The following MGRN1 variants were observed in gnomAD, a reference collection of about 807,000 sequenced individuals.
MGRN1 encodes mahogunin ring finger 1.
A neutral mutation model predicts 69.2 loss-of-function variants in MGRN1; 29 were observed. The observed-to-expected ratio is 0.42, with a 90% CI of 0.31 to 0.57. The LOEUF is 0.57. Among genes scored for constraint, MGRN1 ranks in the 20% least tolerant of loss-of-function variants. The probability of loss-of-function intolerance (pLI) is 0.15; values close to 1 mark genes in which losing one functional copy is unlikely to be tolerated. For missense variants in MGRN1, 998 were observed against 796.2 expected (o/e 1.25, Z -3.05); for synonymous variants, 470 against 344.2 (o/e 1.37, Z -4.04).
chr16:4,651,990 G>A lies in MGRN1; in HGVS notation c.235G>A (p.Glu79Lys), dbSNP rs550946037. The change falls in exon 3 of 17, where the codon GAG becomes AAG. Residue 79 changes from glutamate (E) to lysine (K), a missense_variant. Glu to Lys is a moderately conservative substitution (Grantham distance 56, BLOSUM62 1). Transcript: ENST00000262370. Reference sequence around the variant, plus strand: ...TCCCTACGTCACTCCTGCCCCCCACGAGCCCGTGAAGACGCTGCGGAGCCT... The same window carrying A: ...TCCCTACGTCACTCCTGCCCCCCACAAGCCCGTGAAGACGCTGCGGAGCCT... ...QFPYVTPAPH[E>K]PVKTLRSLVN... The A allele has an allele frequency of 1.1e-5, 18 of 1,613,790 alleles. No homozygotes were observed. Among genetic ancestry groups the A allele is most frequent in the Admixed American group, 3.3e-5 (2 of 59,978 alleles).
At chr16:4,674,833 G>T (rs1325582044) in intron 10 of MGRN1, among the ~76,000 whole-genome samples, 1 of 148,982 alleles carries the variant, frequency 6.7e-6, no homozygotes, top group Admixed American at 6.7e-5. Context: ...GTAGAGACGG[G>T]GTTTCACCTT....
chr16:4,687,179 G>A, intron 16 of MGRN1: 1 of 982,166 alleles, frequency 1.0e-6, no homozygotes, highest in African/African-American at 1.8e-5. Context: ...CTAAAAGATA[G>A]GAGGCCCTGT....
At chr16:4,638,908 G>T (rs536323790) in intron 1 of MGRN1, among the ~76,000 whole-genome samples, 2 of 152,118 alleles carry the variant, frequency 1.3e-5, no homozygotes, top group Admixed American at 1.3e-4. Context: ...TCCCTGGGCC[G>T]CTGTGTTTCT....
chr16:4,688,734 G>A (rs2079392068), intron 16 of MGRN1, 62 bp from the exon 17 acceptor site: 1 of 1,498,764 alleles, frequency 6.7e-7, no homozygotes, highest in South Asian at 1.3e-5. Flanking sequence ...AGATCGGTAG[G>A]AGCGGGTGGC....
In MGRN1 at chr16:4,688,856, C is replaced by T; in HGVS notation, c.1679C>T (p.Pro560Leu). Reference sequence around the variant, plus strand: ...GCCACCACCAGCCCCACCTGGCCTCCACTTGGTGGCCCCAGCCCCGATCCC... The same window carrying T: ...GCCACCACCAGCCCCACCTGGCCTCTACTTGGTGGCCCCAGCCCCGATCCC... ...GLATTSPTWP[P>L]LGGPSPDPSA... is the part of the protein sequence containing the mutation. The change falls in exon 17 of 17, where the codon CCA (proline) becomes CTA (leucine). Residue 560 changes from proline (P) to leucine (L), a missense_variant. Physicochemically the swap from Pro to Leu is moderately conservative, Grantham distance 98 (BLOSUM62 -3). Transcript: ENST00000262370. 1 of 1,555,126 alleles carries T rather than the reference C, an allele frequency of 6.4e-7. No homozygotes were observed. Among genetic ancestry groups the T allele is most frequent in the East Asian group, 2.4e-5 (1 of 41,270 alleles).
intron 8 of MGRN1, chr16:4,669,267 C>G (rs1419022527): frequency 6.6e-6 from 1 of 152,024 alleles, no homozygotes; most frequent in Non-Finnish European, 1.5e-5. Context: ...GACCCCGTCT[C>G]TACTAAAAAT....
At chr16:4,628,765 G>A (rs1436154810) in intron 1 of MGRN1, among the ~76,000 whole-genome samples, 1 of 152,082 alleles carries the variant, frequency 6.6e-6, no homozygotes, top group South Asian at 2.1e-4. Flanking sequence ...GTCTGGTCTC[G>A]AGCTCCTGAC....
rs908424408 is a variant in MGRN1 at position 4,688,801 on chromosome 16, C to T, written c.1624C>T (p.Pro542Ser). The T allele has an allele frequency of 1.4e-5, 21 of 1,547,454 alleles. No homozygotes were observed. Among genetic ancestry groups the T allele is most frequent in the Non-Finnish European group, 1.7e-5 (19 of 1,144,372 alleles). Residue 542 changes from proline (P) to serine (S), a missense_variant, in exon 17 of 17, where the codon CCC (proline) becomes TCC (serine). By Grantham distance (74) the Pro-to-Ser change is moderately conservative. Coordinates refer to ENST00000262370, the MANE Select transcript of MGRN1 (RefSeq NM_015246.4). Reference protein sequence around the residue: ...PPADIYLPGRPTSMETAHGLA... With the variant: ...PPADIYLPGRSTSMETAHGLA... ...CCCTCTGCTCCCACCTGCAGGACGG[C>T]CCACCTCCATGGAGACGGCCCACGG... is the stretch of plus-strand genomic sequence containing the variant.
At chr16:4,687,012 C>T in intron 16 of MGRN1, 2 of 985,664 alleles carry the variant, frequency 2.0e-6, no homozygotes, top group Non-Finnish European at 2.4e-6. Flanking sequence ...GCCACCTGCT[C>T]CCCCGCTCCC....
At chr16:4,686,420 C>T in intron 16 of MGRN1, 2 of 1,451,198 alleles carry the variant, frequency 1.4e-6, no homozygotes, top group South Asian at 2.8e-5. Flanking sequence ...TCCGCATCCG[C>T]ATCTTCCCAG....
intron 1 of MGRN1, among the ~76,000 whole-genome samples, chr16:4,646,472 G>C (rs2078277083): frequency 6.6e-6 from 1 of 151,800 alleles, no homozygotes; most frequent in African/African-American, 2.4e-5. Flanking sequence ...GGGCTTGCCT[G>C]GGCATGGAGG....
chr16:4,685,822 C>T (rs999143758), intron 16 of MGRN1, among the ~76,000 whole-genome samples: 3 of 152,188 alleles, frequency 2.0e-5, no homozygotes, highest in African/African-American at 7.2e-5. Flanking sequence ...CGCTGCCTGG[C>T]GGGGTGGGCG....
chr16:4,682,148 C>T (rs924772229), intron 13 of MGRN1, among the ~76,000 whole-genome samples: 1 of 152,222 alleles, frequency 6.6e-6, no homozygotes, highest in Non-Finnish European at 1.5e-5. Flanking sequence ...TAGGCCCACT[C>T]TGCCGGTGAC....
chr16:4,643,607 C>A (rs1037744195), intron 1 of MGRN1, among the ~76,000 whole-genome samples: 1 of 151,334 alleles, frequency 6.6e-6, no homozygotes, highest in Non-Finnish European at 1.5e-5. Context: ...CTCCTGACCT[C>A]GTGATCCACC....
intron 11 of MGRN1, among the ~76,000 whole-genome samples, chr16:4,678,137 G>C (rs1179967951): frequency 6.6e-6 from 1 of 152,172 alleles, no homozygotes; most frequent in African/African-American, 2.4e-5. Context: ...CTGAGCCACC[G>C]CCTCCACCCC....
chr16:4,659,453 C>T lies in MGRN1; in HGVS notation c.561+2090C>T, dbSNP rs371166702. 3.3e-5 allele frequency among the ~76,000 whole-genome samples: 5 copies of T among 152,224 alleles called. No homozygotes were observed. The East Asian group carries it at 5.8e-4, about 18-fold the overall frequency. ...GCCATGGGTTTGCAGGTGAGGTGGCCGGGGTAGGGGAGTGGTCATTGTGGC... is the reference window on the plus strand; with the variant it reads ...GCCATGGGTTTGCAGGTGAGGTGGCTGGGGTAGGGGAGTGGTCATTGTGGC... On this transcript the variant is annotated intron_variant, in intron 5 of 16. Coordinates refer to ENST00000262370, the MANE Select transcript of MGRN1 (RefSeq NM_015246.4).
At chr16:4,665,954 C>G (rs377167090) in intron 7 of MGRN1, among the ~76,000 whole-genome samples, 1 of 151,968 alleles carries the variant, frequency 6.6e-6, no homozygotes, top group Admixed American at 6.6e-5. Context: ...CTCAGCCTCC[C>G]AAGCAGCTGG....
chr16:4,662,515 C>CAAAA (rs752715716), intron 5 of MGRN1, among the ~76,000 whole-genome samples: 4 of 132,546 alleles, frequency 3.0e-5, no homozygotes, highest in Admixed American at 7.7e-5. Flanking sequence ...GACTCTGTCT[C>CAAAA]AAAAAAAAAA....
intron 10 of MGRN1, among the ~76,000 whole-genome samples, 177 bp downstream of exon 10, chr16:4,673,834 A>G (rs547160495): frequency 6.6e-6 from 1 of 152,294 alleles, no homozygotes; most frequent in East Asian, 1.9e-4. Context: ...TCACCGTGAG[A>G]GAGCTGGCAG....
Sources: gnomAD v4.1 joint callset for allele counts (sites outside exome capture counted in the v4.1 genomes callset) on GRCh38, gnomAD v4.1.1 for gene constraint, MANE v1.5 for transcripts, NCBI Gene and HGNC (gene_info 2026-07-23, HGNC 2026-07-21) for gene names.